The following PLPPR5 variants were observed in gnomAD, a reference collection of about 807,000 sequenced individuals.
The protein encoded by PLPPR5 is phospholipid phosphatase-related protein type 5.
Under a neutral mutation model 33.9 loss-of-function variants are expected in PLPPR5, and 16 were observed. The observed-to-expected ratio is 0.47, with a 90% confidence interval of 0.32 to 0.72. PLPPR5 has a LOEUF of 0.72. PLPPR5 is among the 30% of genes least tolerant of loss of function. The pLI is 0.03. For synonymous variants in PLPPR5, 163 were observed against 150.3 expected (o/e 1.08, Z -0.62); for missense variants, 301 against 406.7 (o/e 0.74, Z 2.23).
chr1:98,978,069 G>C (rs1032661677), intron 1 of PLPPR5, among the ~76,000 whole-genome samples: 2 of 151,960 alleles, frequency 1.3e-5, no homozygotes. Flanking sequence ...TCTGTCAAAT[G>C]CAAGAGGAGA....
At chr1:99,001,236 G>A (rs1332410700) in intron 1 of PLPPR5, among the ~76,000 whole-genome samples, 4 of 150,144 alleles carry the variant, frequency 2.7e-5, no homozygotes, top group Non-Finnish European at 4.4e-5. Flanking sequence ...CTGGGTTCAC[G>A]CCATTCTCCT....
chr1:98,979,607 T>C (rs1427674193), intron 1 of PLPPR5, among the ~76,000 whole-genome samples: 1 of 152,064 alleles, frequency 6.6e-6, no homozygotes, highest in African/African-American at 2.4e-5. Context: ...TCACATCTGT[T>C]GCTCAGACTC....
intron 5 of PLPPR5, among the ~76,000 whole-genome samples, chr1:98,905,134 C>T (rs1648847989): frequency 6.6e-6 from 1 of 152,246 alleles, no homozygotes; most frequent in Admixed American, 6.5e-5. Context: ...AGGAATTAAA[C>T]TACTCACTTT....
intron 4 of PLPPR5, among the ~76,000 whole-genome samples, chr1:98,918,046 G>A (rs1050102422): frequency 2.7e-4 from 41 of 152,178 alleles, no homozygotes; most frequent in African/African-American, 9.4e-4. Context: ...CTACCAAGAT[G>A]ATATGAGTAA....
chr1:99,004,285 A>T, intron 1 of PLPPR5, 150 bp downstream of exon 1: 1 of 672,156 alleles, frequency 1.5e-6, no homozygotes, highest in Admixed American at 3.1e-5. Context: ...CACGCGCCCT[A>T]GAATGTCCTC....
chr1:99,001,382 G>A (rs1652835512), intron 1 of PLPPR5, among the ~76,000 whole-genome samples: 2 of 151,580 alleles, frequency 1.3e-5, no homozygotes, highest in Admixed American at 1.3e-4. Flanking sequence ...TGATCCACCC[G>A]CCTCAGCCTC....
At chr1:98,993,167 G>A (rs1017255207) in intron 1 of PLPPR5, among the ~76,000 whole-genome samples, 7 of 152,202 alleles carry the variant, frequency 4.6e-5, no homozygotes, top group Admixed American at 4.6e-4. Context: ...CCTTGGCCAA[G>A]TCATTTAGTC....
intron 3 of PLPPR5, among the ~76,000 whole-genome samples, chr1:98,950,061 C>A (rs1470150121): frequency 6.6e-6 from 1 of 152,198 alleles, no homozygotes; most frequent in Non-Finnish European, 1.5e-5. Flanking sequence ...GGAAAGAATT[C>A]AGCAGCAGAT....
intron 1 of PLPPR5, among the ~76,000 whole-genome samples, chr1:98,968,014 C>G (rs1037559089): frequency 7.2e-5 from 11 of 152,078 alleles, no homozygotes; most frequent in Non-Finnish European, 1.6e-4. Context: ...GTTTGCTGAA[C>G]AAGAACACCA....
intron 1 of PLPPR5, among the ~76,000 whole-genome samples, chr1:98,971,978 GC>G (rs1651678167): frequency 6.6e-6 from 1 of 151,964 alleles, no homozygotes. Flanking sequence ...GCTTGAATGA[GC>G]CCCCATTTGC....
chr1:98,994,750 C>T (rs1292972094), intron 1 of PLPPR5, among the ~76,000 whole-genome samples: 2 of 152,078 alleles, frequency 1.3e-5, no homozygotes, highest in African/African-American at 2.4e-5. Context: ...ATGTTAATTA[C>T]CAATGATTTA....
At chr1:98,931,715 G>C (rs1435717930) in intron 3 of PLPPR5, among the ~76,000 whole-genome samples, 1 of 152,102 alleles carries the variant, frequency 6.6e-6, no homozygotes, top group Non-Finnish European at 1.5e-5. Flanking sequence ...TGAGTACAGA[G>C]GGAAGTAGCA....
chr1:98,965,082 G>C (rs1231716442), intron 1 of PLPPR5, among the ~76,000 whole-genome samples: 1 of 151,466 alleles, frequency 6.6e-6, no homozygotes, highest in East Asian at 2.0e-4. Context: ...CAAAGTGCTG[G>C]GATTACAGGC....
At chr1:98,899,612 TAA>T (rs976271056) in intron 5 of PLPPR5, among the ~76,000 whole-genome samples, 3 of 151,430 alleles carry the variant, frequency 2.0e-5, no homozygotes, top group Admixed American at 1.3e-4. Flanking sequence ...ACACAATGCA[TAA>T]AAGTGTTAAG....
At chr1:98,915,937 G>C (rs1019622890) in intron 4 of PLPPR5, among the ~76,000 whole-genome samples, 17 of 152,238 alleles carry the variant, frequency 1.1e-4, no homozygotes, top group Middle Eastern at 3.4e-3. Flanking sequence ...AGGTATTCTT[G>C]AGTTTTATTT....
intron 4 of PLPPR5, among the ~76,000 whole-genome samples, chr1:98,920,495 G>A (rs1422245986): frequency 6.8e-6 from 1 of 146,750 alleles, no homozygotes; most frequent in Non-Finnish European, 1.5e-5. Context: ...TCAAGCCAGG[G>A]CCCCAGTTCT....
intron 3 of PLPPR5, among the ~76,000 whole-genome samples, chr1:98,931,384 T>C (rs1281423719): frequency 1.3e-5 from 2 of 152,092 alleles, no homozygotes; most frequent in Non-Finnish European, 2.9e-5. Flanking sequence ...AACAATTCCA[T>C]GACATTGGTA....
chr1:98,895,940 G>A (rs1648453217), intron 5 of PLPPR5, among the ~76,000 whole-genome samples: 1 of 151,896 alleles, frequency 6.6e-6, no homozygotes, highest in Admixed American at 6.6e-5. Context: ...AGATCAGAGA[G>A]CTTCTGTTCA....
At chr1:98,995,134 C>T (rs1258608491) in intron 1 of PLPPR5, among the ~76,000 whole-genome samples, 1 of 151,964 alleles carries the variant, frequency 6.6e-6, no homozygotes, top group East Asian at 1.9e-4. Context: ...GTCATTTGAC[C>T]CAGCAATCCC....
Sources: gnomAD v4.1 joint callset for allele counts (sites outside exome capture counted in the v4.1 genomes callset) on GRCh38, gnomAD v4.1.1 for gene constraint, MANE v1.5 for transcripts, NCBI Gene and HGNC (gene_info 2026-07-23, HGNC 2026-07-21) for gene names.